TRABD: variants seen among roughly 807,000 people sequenced by gnomAD.
TRABD encodes the protein traB domain-containing protein.
In TRABD, 23 loss-of-function variants were observed where a neutral mutation model predicts 39.6. That is an observed-to-expected ratio of 0.58 (90% CI 0.42 to 0.82). TRABD has a LOEUF of 0.82. Among genes scored for constraint, TRABD ranks in the 40% least tolerant of loss-of-function variants. The pLI is 0.00. For missense variants in TRABD, 487 were observed against 544.9 expected (o/e 0.89, Z 1.06); for synonymous variants, 243 against 232.1 (o/e 1.05, Z -0.43).
intron 1 of TRABD, among the ~76,000 whole-genome samples, chr22:50,186,869 C>G (rs1319445626): frequency 2.6e-5 from 4 of 152,264 alleles, no homozygotes; most frequent in Non-Finnish European, 5.9e-5. Flanking sequence ...AAAACTCTTA[C>G]AAGAAAGATG....
At chr22:50,193,322 G>A (rs899180916) in intron 2 of TRABD, among the ~76,000 whole-genome samples, 2 of 152,314 alleles carry the variant, frequency 1.3e-5, no homozygotes, top group African/African-American at 2.4e-5. Context: ...CCAAGCAGGA[G>A]GGGTACTGAC....
At position 50,198,223 on chromosome 22, in the gene TRABD, A is replaced by G; in HGVS notation, c.956+37A>G. On this transcript the variant is annotated intron_variant, in intron 9 of 9. Transcript: ENST00000380909. The surrounding 1 kb of genome is among the most constrained non-coding windows in gnomAD (Gnocchi z 7.9). ...CCCCTCCCTGCAAGCCCCACCCCAC[A>G]AGCCCCCAGGTGGAGGCTGAGCGCC... The G allele has an allele frequency of 6.4e-7, 1 of 1,568,540 alleles. No individual in the cohort carries two copies. Among genetic ancestry groups the G allele is most frequent in the Non-Finnish European group, 8.7e-7 (1 of 1,153,434 alleles).
rs572040752 is a variant in TRABD at position 50,198,567 on chromosome 22, C to T, written c.*48C>T. ...GGCCCCTGAGGAGCCAGTGCCCCCG[C>T]GGCACTTCTGGGTGCCAGGTGCATC... On this transcript the variant is annotated 3_prime_UTR_variant, in exon 10 of 10. Transcript: ENST00000380909. The surrounding 1 kb of genome is among the most constrained non-coding windows in gnomAD (Gnocchi z 7.9). The T allele has an allele frequency of 1.2e-4, 169 of 1,454,322 alleles. No homozygotes were observed. Among genetic ancestry groups the T allele is most frequent in the South Asian group, 2.2e-4 (16 of 71,694 alleles). The allele number at this position is 1,454,322 out of a possible 1,614,324, so 90.1% of individuals were successfully genotyped here. A position where few individuals can be genotyped will look rare whatever the true frequency, so the allele number is the denominator to read the frequency against.
intron 1 of TRABD, chr22:50,191,796 G>C (rs893343128): frequency 6.6e-6 from 1 of 152,204 alleles, no homozygotes; most frequent in Non-Finnish European, 1.5e-5. Context: ...CTGTCACCCA[G>C]GTTGGAGTGC....
In TRABD at chr22:50,197,782, G is replaced by A. The variant is rs201701198; in HGVS notation, c.672-41G>A. The A allele has an allele frequency of 1.9e-4, 105 of 555,014 alleles. No individual in the cohort carries two copies. The Admixed American group carries it at 2.7e-3, about 14-fold the overall frequency. The allele number at this position is 555,014 out of a possible 1,614,324, so 34.4% of individuals were successfully genotyped here. Reference sequence around the variant, plus strand: ...AGTGCCAGCCCCACCCCCCCAGCCCGTTGCCCATCCCTGCGGGGCTGCAGC... The same window carrying A: ...AGTGCCAGCCCCACCCCCCCAGCCCATTGCCCATCCCTGCGGGGCTGCAGC... On this transcript the variant is annotated intron_variant, in intron 7 of 9. Coordinates refer to ENST00000380909, the MANE Select transcript of TRABD (RefSeq NM_001320485.2).
intron 1 of TRABD, 71 bp from the exon 2 acceptor site, chr22:50,192,956 C>A: frequency 7.3e-7 from 1 of 1,362,962 alleles, no homozygotes; most frequent in Non-Finnish European, 1.0e-6. Flanking sequence ...ACTGACAGGG[C>A]ACTACGCAGT....
Position 50,198,160 on chromosome 22 carries a change from C to T in TRABD, c.930C>T (p.Thr310=), listed in dbSNP as rs779703826. 7.4e-6 allele frequency: 12 copies of T among 1,611,958 alleles called. No homozygotes were observed. The highest frequency in any genetic ancestry group is 3.3e-5 in the Admixed American group (2 of 59,932). ...HVPGIEKNWS[T]DLNIQEIMTV... is the part of the protein sequence containing the mutation. ...CTGGCATCGAGAAGAACTGGAGCAC[C>T]GACCTCAACATCCAGGAGATCATGA... is the stretch of plus-strand genomic sequence containing the variant. Residue 310 remains threonine (T), a synonymous_variant, in exon 9 of 10, where the codon ACC becomes ACT. Coordinates refer to ENST00000380909, the MANE Select transcript of TRABD (RefSeq NM_001320485.2). This position sits in a 1 kb window ranked among gnomAD's most constrained non-coding sequence, Gnocchi z 7.9.
chr22:50,190,262 G>A (rs2147093653), intron 1 of TRABD, among the ~76,000 whole-genome samples: 1 of 152,352 alleles, frequency 6.6e-6, no homozygotes, highest in East Asian at 1.9e-4. Flanking sequence ...CTCTGGTGGC[G>A]CTGACATCGT....
chr22:50,197,765 C>CCCCCCCCCCCCCCCCCCTGG, intron 7 of TRABD, 58 bp from the exon 8 acceptor site: 26 of 753,998 alleles, frequency 3.4e-5, no homozygotes, highest in Non-Finnish European at 5.3e-5. Context: ...ACAGTGCCAG[C>CCCCCCCCCCCCCCCCCCTGG]CCCACCCCCC....
In TRABD at chr22:50,199,319, A is replaced by G. The variant is rs1054176723; in HGVS notation, c.*800A>G. Reference sequence around the variant, plus strand: ...CATCTTGGCCCTCTCTGGGCAGACAATGTGTGCACCTATGTGGAAGGCCAA... The same window carrying G: ...CATCTTGGCCCTCTCTGGGCAGACAGTGTGTGCACCTATGTGGAAGGCCAA... On this transcript the variant is annotated 3_prime_UTR_variant, in exon 10 of 10. Transcript: ENST00000380909. The G allele has an allele frequency of 3.6e-6, 2 of 558,776 alleles. No homozygotes were observed. The highest frequency in any genetic ancestry group is 3.2e-6 in the Non-Finnish European group (1 of 310,002). The allele number at this position is 558,776 out of a possible 1,614,324, so 34.6% of individuals were successfully genotyped here. A position where few individuals can be genotyped will look rare whatever the true frequency, so the allele number is the denominator to read the frequency against.
chr22:50,198,048 G>A lies in TRABD; in HGVS notation c.845-27G>A. ...CCCTGTGAGGCTGAGGCCCGAGCAG[G>A]TACTGACCCCTTGTCCTTCCCCACA... On this transcript the variant is annotated intron_variant, in intron 8 of 9. Transcript: ENST00000380909. This position sits in a 1 kb window ranked among gnomAD's most constrained non-coding sequence, Gnocchi z 7.9. 1 of 1,612,128 alleles carries A rather than the reference G, an allele frequency of 6.2e-7. No individual in the cohort carries two copies. Among genetic ancestry groups the A allele is most frequent in the South Asian group, 1.1e-5 (1 of 91,010 alleles).
At chr22:50,193,240 G>C in intron 2 of TRABD, 147 bp downstream of exon 2, 1 of 1,080,572 alleles carries the variant, frequency 9.3e-7, no homozygotes, top group Non-Finnish European at 1.3e-6. Flanking sequence ...ACCTCCGAGG[G>C]AGAGGGGCGC....
At chr22:50,197,764 G>GCCCCCCCCCCCCC in intron 7 of TRABD, 59 bp from the exon 8 acceptor site, 1 of 1,284,794 alleles carries the variant, frequency 7.8e-7, no homozygotes, top group African/African-American at 1.5e-5. Flanking sequence ...CACAGTGCCA[G>GCCCCCCCCCCCCC]CCCCACCCCC....
At chr22:50,194,774 G>T (rs1261417849) in intron 4 of TRABD, 126 bp from the exon 5 acceptor site, 4 of 1,411,538 alleles carry the variant, frequency 2.8e-6, no homozygotes, top group East Asian at 2.3e-5. Context: ...CAGCAGCGGG[G>T]TTAGCTAGCC....
At chr22:50,186,841 C>T (rs539003418) in intron 1 of TRABD, among the ~76,000 whole-genome samples, 2 of 152,366 alleles carry the variant, frequency 1.3e-5, no homozygotes, top group South Asian at 2.1e-4. Flanking sequence ...TATCATGAAG[C>T]TGCCGTGTGT....
intron 3 of TRABD, 30 bp downstream of exon 3, chr22:50,193,684 C>A: frequency 6.2e-7 from 1 of 1,604,896 alleles, no homozygotes; most frequent in African/African-American, 1.3e-5. Flanking sequence ...CTGGCACGTT[C>A]CCCGGTGTTG....
intron 1 of TRABD, among the ~76,000 whole-genome samples, chr22:50,187,695 C>G (rs2063795791): frequency 6.6e-6 from 1 of 152,178 alleles, no homozygotes; most frequent in African/African-American, 2.4e-5. Context: ...AAACAGCAGG[C>G]TGGGCTGGGT....
chr22:50,197,849 A>G lies in TRABD; in HGVS notation c.698A>G (p.Gln233Arg), dbSNP rs766740749. Residue 233 changes from glutamine (Q) to arginine (R), a missense_variant, in exon 8 of 10, where the codon CAG (glutamine) becomes CGG (arginine). Around this residue, in one of 3 missense-constraint regions of TRABD, gnomAD observed 358 missense variants for 414.7 expected, o/e 0.86. Transcript: ENST00000380909. ...AAGGATGACGTGGAACGCTGCAAGC[A>G]GAAGGACCTACTGGAGCAGATGATG... ...ISKDDVERCK[Q>R]KDLLEQMMAE... 1 of 1,542,212 alleles carries G rather than the reference A, an allele frequency of 6.5e-7. No homozygotes were observed. The highest frequency in any genetic ancestry group is 1.1e-5 in the South Asian group (1 of 89,776).
chr22:50,193,080 A>G lies in TRABD; in HGVS notation c.20A>G (p.Gln7Arg), dbSNP rs1181738203. 11 of 1,545,786 alleles carry G rather than the reference A, an allele frequency of 7.1e-6. No individual in the cohort carries two copies. In the East Asian group the frequency reaches 1.7e-4, roughly 24 times the overall value. MDGEEQ[Q>R]PPHEANVEPV... ...CCAGCCATGGACGGGGAGGAGCAGCAGCCACCGCACGAGGTGAGGTGGAGG... is the reference window on the plus strand; with the variant it reads ...CCAGCCATGGACGGGGAGGAGCAGCGGCCACCGCACGAGGTGAGGTGGAGG... The change falls in exon 2 of 10, where the codon CAG becomes CGG. Residue 7 changes from glutamine (Q) to arginine (R), a missense_variant. This residue lies in a region of TRABD where 358 missense variants were observed against 414.7 expected (regional missense o/e 0.86). Coordinates refer to ENST00000380909, the MANE Select transcript of TRABD (RefSeq NM_001320485.2).
Sources: gnomAD v4.1 joint callset for allele counts (sites outside exome capture counted in the v4.1 genomes callset) on GRCh38, gnomAD v4.1.1 for gene constraint, gnomAD v4.1.1 regional missense constraint, Gnocchi (gnomAD v3.1) non-coding constraint, MANE v1.5 for transcripts, NCBI Gene and HGNC (gene_info 2026-07-23, HGNC 2026-07-21) for gene names.